CHP1: variants seen among roughly 807,000 people sequenced by gnomAD.
CHP1 encodes calcineurin B homologous protein 1.
Under a neutral mutation model 27.4 loss-of-function variants are expected in CHP1, and 11 were observed. That is an observed-to-expected ratio of 0.40 (90% confidence interval 0.25 to 0.67). The LOEUF (loss-of-function observed/expected upper bound fraction) is 0.67. CHP1 is among the 30% of genes least tolerant of loss of function. The probability of loss-of-function intolerance (pLI) is 0.38; values close to 1 mark genes in which losing one functional copy is unlikely to be tolerated. For missense variants in CHP1, 169 were observed against 251.3 expected (o/e 0.67, Z 2.22); for synonymous variants, 89 against 87.4 (o/e 1.02, Z -0.10).
At chr15:41,276,581 T>C (rs1260189939) in intron 5 of CHP1, among the ~76,000 whole-genome samples, 1 of 152,228 alleles carries the variant, frequency 6.6e-6, no homozygotes, top group Admixed American at 6.5e-5. Flanking sequence ...TGGTTAAGTT[T>C]AAGACAGATT....
At chr15:41,243,598 A>G (rs2047318014) in intron 1 of CHP1, 69 bp from the exon 2 acceptor site, 2 of 1,246,126 alleles carry the variant, frequency 1.6e-6, no homozygotes, top group Non-Finnish European at 2.3e-6. Flanking sequence ...AGCATTTGAC[A>G]GCGAGGGGTG....
At chr15:41,273,288 C>T (rs2047500696) in intron 5 of CHP1, among the ~76,000 whole-genome samples, 1 of 152,170 alleles carries the variant, frequency 6.6e-6, no homozygotes, top group East Asian at 1.9e-4. Flanking sequence ...ATTTCACCCA[C>T]ACCAACACTT....
intron 5 of CHP1, among the ~76,000 whole-genome samples, chr15:41,274,412 C>G (rs755472104): frequency 1.3e-5 from 2 of 152,228 alleles, no homozygotes; most frequent in Non-Finnish European, 2.9e-5. Context: ...ATTAACAGAT[C>G]GGATGAGATA....
intron 2 of CHP1, among the ~76,000 whole-genome samples, chr15:41,245,931 T>C (rs1044896830): frequency 9.2e-5 from 14 of 152,168 alleles, no homozygotes; most frequent in Admixed American, 3.3e-4. Context: ...GGCTTTATGG[T>C]TTTAGTTCTT....
intron 5 of CHP1, among the ~76,000 whole-genome samples, chr15:41,278,361 T>C (rs553490146): frequency 6.7e-6 from 1 of 149,120 alleles, no homozygotes; most frequent in Non-Finnish European, 1.5e-5. Flanking sequence ...GGAAAAAAAA[T>C]TTAACTTTTA....
intron 3 of CHP1, among the ~76,000 whole-genome samples, chr15:41,258,091 TATAC>T (rs973052438): frequency 2.6e-5 from 4 of 152,186 alleles, no homozygotes; most frequent in Admixed American, 2.6e-4. Context: ...TGTGTGTGTA[TATAC>T]ATACATACAT....
chr15:41,263,522 G>A (rs2140937366), intron 4 of CHP1, among the ~76,000 whole-genome samples: 1 of 152,216 alleles, frequency 6.6e-6, no homozygotes, highest in South Asian at 2.1e-4. Flanking sequence ...CACTTCTCCA[G>A]GAAATTGAAA....
rs34921023 is a variant in CHP1 at position 41,280,505 on chromosome 15, A to ATTTTTTTTTTTTTTTTTTTTTTTTTTT, written c.*1117_*1143dup. 1.8e-5 allele frequency: 2 copies of ATTTTTTTTTTTTTTTTTTTTTTTTTTT among 111,340 alleles called. 1 individual carries two copies. 6.9% of individuals were successfully genotyped at this position (111,340 alleles called of 1,614,324 possible). A position where few individuals can be genotyped will look rare whatever the true frequency, so the allele number is the denominator to read the frequency against. On this transcript the variant is annotated 3_prime_UTR_variant, in exon 7 of 7. Transcript: ENST00000334660. Reference sequence around the variant, plus strand: ...GGAAGTGCCTAATATCCCAGTCCAAATTTTTTTTTTTTTTTTTTTTTTTTT... The same window carrying ATTTTTTTTTTTTTTTTTTTTTTTTTTT: ...GGAAGTGCCTAATATCCCAGTCCAAATTTTTTTTTTTTTTTTTTTTTTTTTTTTTTTTTTTTTTTTTTTTTTTTTTTT...
chr15:41,253,705 C>T (rs1325786912), intron 2 of CHP1, among the ~76,000 whole-genome samples: 8 of 151,936 alleles, frequency 5.3e-5, no homozygotes, highest in African/African-American at 1.7e-4. Flanking sequence ...CCTCCCGCCT[C>T]GGCCTCCCAA....
chr15:41,250,370 G>A (rs187928719), intron 2 of CHP1, among the ~76,000 whole-genome samples: 45 of 152,172 alleles, frequency 3.0e-4, no homozygotes, highest in South Asian at 8.3e-4. Context: ...TTTTGGGTAA[G>A]ATATTTCTAC....
chr15:41,252,272 C>A (rs1158431589), intron 2 of CHP1, among the ~76,000 whole-genome samples: 1 of 151,686 alleles, frequency 6.6e-6, no homozygotes, highest in Non-Finnish European at 1.5e-5. Context: ...CGGGTTCAAG[C>A]AGTTCTCTGC....
At chr15:41,253,519 A>T (rs911131070) in intron 2 of CHP1, among the ~76,000 whole-genome samples, 32 of 151,198 alleles carry the variant, frequency 2.1e-4, no homozygotes, top group African/African-American at 7.8e-4. Context: ...CAGTGGCGCA[A>T]TCTTGGCTCA....
chr15:41,264,824 G>C (rs1478116094), intron 4 of CHP1, among the ~76,000 whole-genome samples: 2 of 152,112 alleles, frequency 1.3e-5, no homozygotes, highest in East Asian at 3.8e-4. Context: ...GAATTCTGTT[G>C]CAGTCTATGT....
chr15:41,281,801 A>G lies in CHP1; in HGVS notation c.*2412A>G, dbSNP rs1266393772. The G allele has an allele frequency of 3.9e-5, 6 of 152,642 alleles. No homozygotes were observed. The highest frequency in any genetic ancestry group is 1.4e-4 in the African/African-American group (6 of 41,462). 9.5% of individuals were successfully genotyped at this position (152,642 alleles called of 1,614,324 possible). Reference sequence around the variant, plus strand: ...TTTTCCCCCCTTTTGGCTGTATAGCAAAGTGTTTTAATCCACGGTTGTGCC... The same window carrying G: ...TTTTCCCCCCTTTTGGCTGTATAGCGAAGTGTTTTAATCCACGGTTGTGCC... On this transcript the variant is annotated 3_prime_UTR_variant, in exon 7 of 7. Transcript: ENST00000334660.
chr15:41,231,979 C>T (rs145451784), intron 1 of CHP1, among the ~76,000 whole-genome samples: 3 of 152,152 alleles, frequency 2.0e-5, no homozygotes, highest in East Asian at 1.9e-4. Flanking sequence ...GACCCGATGC[C>T]TGGAGACCTT....
intron 2 of CHP1, among the ~76,000 whole-genome samples, chr15:41,246,638 T>TC (rs2047336201): frequency 6.9e-6 from 1 of 143,890 alleles, no homozygotes; most frequent in African/African-American, 2.6e-5. Flanking sequence ...TTTTTTTTTT[T>TC]TTTTTTTTTT....
At chr15:41,264,396 G>C (rs190107503) in intron 4 of CHP1, among the ~76,000 whole-genome samples, 3 of 152,108 alleles carry the variant, frequency 2.0e-5, no homozygotes, top group Non-Finnish European at 4.4e-5. Flanking sequence ...GGATGAGATA[G>C]AATAATAACA....
intron 5 of CHP1, among the ~76,000 whole-genome samples, chr15:41,272,901 CA>C (rs2047498234): frequency 6.6e-6 from 1 of 151,770 alleles, no homozygotes; most frequent in Admixed American, 6.6e-5. Context: ...ACTAAAAATA[CA>C]AAAAATTAGC....
At chr15:41,233,675 T>TA (rs2047263607) in intron 1 of CHP1, among the ~76,000 whole-genome samples, 1 of 152,178 alleles carries the variant, frequency 6.6e-6, no homozygotes, top group South Asian at 2.1e-4. Flanking sequence ...CCAAGAGAGT[T>TA]ATGATTAGCA....
Sources: gnomAD v4.1 joint callset for allele counts (sites outside exome capture counted in the v4.1 genomes callset) on GRCh38, gnomAD v4.1.1 for gene constraint, MANE v1.5 for transcripts, NCBI Gene and HGNC (gene_info 2026-07-23, HGNC 2026-07-21) for gene names.